NUBPL: variants seen among roughly 807,000 people sequenced by gnomAD.
The protein encoded by NUBPL is NUBP iron-sulfur cluster assembly factor, mitochondrial.
NUBPL carries 31 observed loss-of-function variants against 45.7 expected under a neutral mutation model. That is an observed-to-expected ratio of 0.68 (90% CI 0.51 to 0.92). The LOEUF (loss-of-function observed/expected upper bound fraction) is 0.92. Among genes scored for constraint, NUBPL ranks in the 40% least tolerant of loss-of-function variants. The probability of loss-of-function intolerance (pLI) is 0.00; values close to 1 mark genes in which losing one functional copy is unlikely to be tolerated. For missense variants in NUBPL, 401 were observed against 398.7 expected (o/e 1.01, Z -0.05); for synonymous variants, 144 against 140.9 (o/e 1.02, Z -0.15).
intron 9 of NUBPL, among the ~76,000 whole-genome samples, chr14:31,847,359 A>C (rs1348440013): frequency 6.6e-6 from 1 of 152,226 alleles, no homozygotes. Flanking sequence ...TTAGAATGGC[A>C]GTATTTACTG....
intron 6 of NUBPL, among the ~76,000 whole-genome samples, chr14:31,675,526 A>G (rs989702286): frequency 1.3e-5 from 2 of 152,240 alleles, no homozygotes; most frequent in African/African-American, 2.4e-5. Flanking sequence ...TGAATATAAC[A>G]TATATACAGA....
intron 6 of NUBPL, among the ~76,000 whole-genome samples, chr14:31,733,105 C>T (rs1178515463): frequency 1.3e-5 from 2 of 151,980 alleles, no homozygotes; most frequent in Non-Finnish European, 2.9e-5. Context: ...TCCAGTTTTC[C>T]AGAACCAAAT....
chr14:31,612,135 C>A (rs1032868110), intron 4 of NUBPL, among the ~76,000 whole-genome samples: 1 of 152,200 alleles, frequency 6.6e-6, no homozygotes, highest in African/African-American at 2.4e-5. Context: ...GAACAACCCA[C>A]AGAATGAGAG....
chr14:31,633,149 C>A (rs1185631686), intron 4 of NUBPL, among the ~76,000 whole-genome samples: 1 of 152,074 alleles, frequency 6.6e-6, no homozygotes, highest in Admixed American at 6.5e-5. Flanking sequence ...CTGTGTATGC[C>A]ACTCAGTTTG....
In NUBPL at chr14:31,734,012, G is replaced by C. The variant is rs144886768; in HGVS notation, c.514-53768G>C. Among the ~76,000 whole-genome samples, 388 of 152,170 alleles carry C rather than the reference G, an allele frequency of 2.5e-3. 7 individuals carry two copies. Among genetic ancestry groups the C allele is most frequent in the Non-Finnish European group, 7.2e-4 (49 of 67,974 alleles). ...TTTGTCTAATGATTTTTCTGCATTTGTTGAAGTGATCATCTAGCTTTTCTC... is the reference window on the plus strand; with the variant it reads ...TTTGTCTAATGATTTTTCTGCATTTCTTGAAGTGATCATCTAGCTTTTCTC... On this transcript the variant is annotated intron_variant, in intron 6 of 10. Transcript: ENST00000281081.
intron 8 of NUBPL, among the ~76,000 whole-genome samples, chr14:31,833,462 T>G (rs2040225216): frequency 6.6e-6 from 1 of 152,216 alleles, no homozygotes. Flanking sequence ...CTATATTATC[T>G]TCATATAGAT....
chr14:31,701,357 AC>A (rs1232246636), intron 6 of NUBPL, among the ~76,000 whole-genome samples: 1 of 152,156 alleles, frequency 6.6e-6, no homozygotes, highest in Non-Finnish European at 1.5e-5. Context: ...ACCAGTCAGC[AC>A]CCTGTCAAAA....
chr14:31,622,446 A>G (rs1371625895), intron 4 of NUBPL, among the ~76,000 whole-genome samples: 1 of 151,954 alleles, frequency 6.6e-6, no homozygotes, highest in African/African-American at 2.4e-5. Flanking sequence ...CACCGAGACA[A>G]TGGGGAGAAT....
intron 4 of NUBPL, among the ~76,000 whole-genome samples, chr14:31,627,796 C>A: frequency 6.6e-6 from 1 of 151,130 alleles, no homozygotes; most frequent in African/African-American, 2.4e-5. Context: ...ATTGAGGATC[C>A]CAAATAGATT....
At chr14:31,748,552 C>T (rs1466204786) in intron 6 of NUBPL, among the ~76,000 whole-genome samples, 1 of 149,720 alleles carries the variant, frequency 6.7e-6, no homozygotes, top group Non-Finnish European at 1.5e-5. Flanking sequence ...ATGTAATGAC[C>T]TTTTTGGTCT....
chr14:31,640,979 G>A (rs1388280409), intron 4 of NUBPL, among the ~76,000 whole-genome samples: 1 of 151,902 alleles, frequency 6.6e-6, no homozygotes, highest in South Asian at 2.1e-4. Flanking sequence ...TTGAGACAGA[G>A]TCCCACTCTG....
chr14:31,739,309 T>A (rs1368263926), intron 6 of NUBPL, among the ~76,000 whole-genome samples: 1 of 147,852 alleles, frequency 6.8e-6, no homozygotes, highest in Non-Finnish European at 1.5e-5. Flanking sequence ...GGTCTCAAAC[T>A]CCTGACCTCG....
intron 3 of NUBPL, among the ~76,000 whole-genome samples, chr14:31,568,392 A>G (rs1213719840): frequency 6.6e-6 from 1 of 152,210 alleles, no homozygotes; most frequent in Non-Finnish European, 1.5e-5. Context: ...CTTTACATAA[A>G]CACGCCCTTC....
In NUBPL at chr14:31,750,436, A is replaced by G. The variant is rs190623905; in HGVS notation, c.514-37344A>G. 8.0e-4 allele frequency among the ~76,000 whole-genome samples: 120 copies of G among 149,256 alleles called. 1 individual carries two copies. The East Asian group carries it at 1.0e-2, about 12-fold the overall frequency. ...GTGGTCTCGATCTCCTGACCTCGTGATCCTCCCGCCTCGGCCTCCCAAAGT... is the reference window on the plus strand; with the variant it reads ...GTGGTCTCGATCTCCTGACCTCGTGGTCCTCCCGCCTCGGCCTCCCAAAGT... On this transcript the variant is annotated intron_variant, in intron 6 of 10. Coordinates refer to ENST00000281081, the MANE Select transcript of NUBPL (RefSeq NM_025152.3).
chr14:31,821,097 TG>T lies in NUBPL; in HGVS notation c.608-5529del, dbSNP rs759863846. 6.3e-4 allele frequency among the ~76,000 whole-genome samples: 96 copies of T among 152,042 alleles called. 2 individuals are homozygous for T. Among genetic ancestry groups the T allele is most frequent in the Admixed American group, 4.7e-3 (71 of 15,252 alleles). ...GAGATTATGCCATTGCACTCCAGCC[TG>T]GGCAACAAGAGCGAAACTCCATCTC... On this transcript the variant is annotated intron_variant, in intron 7 of 10. Coordinates refer to ENST00000281081, the MANE Select transcript of NUBPL (RefSeq NM_025152.3).
intron 4 of NUBPL, among the ~76,000 whole-genome samples, chr14:31,648,606 C>T (rs1344120680): frequency 1.3e-5 from 2 of 152,054 alleles, no homozygotes; most frequent in Non-Finnish European, 2.9e-5. Context: ...GATAATCTGC[C>T]CTGTTAGCTT....
At chr14:31,757,213 C>T (rs796359476) in intron 6 of NUBPL, among the ~76,000 whole-genome samples, 19 of 124,268 alleles carry the variant, frequency 1.5e-4, no homozygotes, top group African/African-American at 4.9e-4. Flanking sequence ...ATGCTGGCCT[C>T]ATAAAATGAG....
intron 4 of NUBPL, among the ~76,000 whole-genome samples, chr14:31,655,240 C>T (rs1185762481): frequency 6.6e-6 from 1 of 152,172 alleles, no homozygotes; most frequent in Non-Finnish European, 1.5e-5. Flanking sequence ...TCTATGGCAG[C>T]TTTAGCCTTA....
chr14:31,619,050 T>A (rs1425377041), intron 4 of NUBPL, among the ~76,000 whole-genome samples: 3 of 152,196 alleles, frequency 2.0e-5, no homozygotes, highest in Non-Finnish European at 2.9e-5. Context: ...AATGTCCTTG[T>A]TTCTTTTGAT....
Sources: allele counts gnomAD v4.1 joint callset (sites outside exome capture counted in the v4.1 genomes callset), GRCh38; gene constraint gnomAD v4.1.1; transcripts MANE v1.5; gene names NCBI Gene and HGNC (gene_info 2026-07-23, HGNC 2026-07-21).